FBXW4: variants seen among roughly 807,000 people sequenced by gnomAD.
FBXW4 encodes F-box/WD repeat-containing protein 4.
Under a neutral mutation model 61.8 loss-of-function variants are expected in FBXW4, and 40 were observed. The observed-to-expected ratio is 0.65, with a 90% confidence interval of 0.50 to 0.84. The LOEUF is 0.84. Ranked by LOEUF, FBXW4 falls within the 40% of genes least tolerant of loss-of-function variation. The pLI, the probability that FBXW4 is intolerant of heterozygous loss-of-function variation, is 0.00. For synonymous variants in FBXW4, 311 were observed against 313.8 expected (o/e 0.99, Z 0.10); for missense variants, 672 against 753.8 (o/e 0.89, Z 1.27).
At chr10:101,690,080 A>G (rs1361449907) in intron 1 of FBXW4, among the ~76,000 whole-genome samples, 2 of 152,258 alleles carry the variant, frequency 1.3e-5, no homozygotes, top group Non-Finnish European at 2.9e-5. Context: ...AGCTTTCTTT[A>G]ACATAAGACT....
intron 6 of FBXW4, among the ~76,000 whole-genome samples, chr10:101,616,994 G>A (rs940693762): frequency 3.3e-5 from 5 of 152,342 alleles, no homozygotes; most frequent in Non-Finnish European, 7.3e-5. Context: ...GGAACAGAGG[G>A]AAGTAAGCTG....
intron 5 of FBXW4, among the ~76,000 whole-genome samples, chr10:101,639,461 G>A (rs1212969182): frequency 6.6e-6 from 1 of 152,188 alleles, no homozygotes; most frequent in African/African-American, 2.4e-5. Flanking sequence ...CATTCACATA[G>A]ACACTTTGGG....
chr10:101,671,761 T>A lies in FBXW4; in HGVS notation c.1140+1154A>T, dbSNP rs1433419053. On this transcript the variant is annotated intron_variant, in intron 4 of 8. Transcript: ENST00000331272. Reference sequence around the variant, plus strand: ...GGAATGGTACAAAGACAGTGACCAATCAGAAGCCTGAAGTAAGTATGAAGT... The same window carrying A: ...GGAATGGTACAAAGACAGTGACCAAACAGAAGCCTGAAGTAAGTATGAAGT... Among the ~76,000 whole-genome samples the A allele has an allele frequency of 2.0e-5, 3 of 152,154 alleles. No homozygotes were observed. The East Asian group carries it at 5.8e-4, about 29-fold the overall frequency.
At chr10:101,624,550 T>G (rs2063892508) in intron 6 of FBXW4, among the ~76,000 whole-genome samples, 195 bp downstream of exon 6, 1 of 152,228 alleles carries the variant, frequency 6.6e-6, no homozygotes, top group Non-Finnish European at 1.5e-5. Context: ...ATTTACCTAT[T>G]ATAAATTACT....
intron 6 of FBXW4, among the ~76,000 whole-genome samples, chr10:101,612,804 C>CTCACAT (rs2063799172): frequency 6.6e-6 from 1 of 152,054 alleles, no homozygotes; most frequent in Non-Finnish European, 1.5e-5. Flanking sequence ...GTCGGCCCCC[C>CTCACAT]TCACATTCAC....
chr10:101,619,614 G>A (rs1477999601), intron 6 of FBXW4, among the ~76,000 whole-genome samples: 1 of 151,008 alleles, frequency 6.6e-6, no homozygotes, highest in African/African-American at 2.4e-5. Context: ...AGCCGAGATA[G>A]CACCACTGTA....
chr10:101,644,011 G>C (rs1475754451), intron 5 of FBXW4, among the ~76,000 whole-genome samples: 1 of 152,234 alleles, frequency 6.6e-6, no homozygotes, highest in Non-Finnish European at 1.5e-5. Flanking sequence ...CACCTGGAGA[G>C]ACTGCAATTA....
chr10:101,635,834 C>T (rs2063996331), intron 5 of FBXW4, among the ~76,000 whole-genome samples: 3 of 140,302 alleles, frequency 2.1e-5, no homozygotes, highest in East Asian at 2.0e-4. Flanking sequence ...GAGCAAGACC[C>T]GGTCTCAGAA....
rs2063789916 is a variant in FBXW4 at position 101,611,893 on chromosome 10, G to T, written c.1443-124C>A. The T allele has an allele frequency of 8.4e-7, 1 of 1,186,188 alleles. No individual in the cohort carries two copies. The highest frequency in any genetic ancestry group is 1.1e-6 in the Non-Finnish European group (1 of 869,584). The allele number at this position is 1,186,188 out of a possible 1,614,324, so 73.5% of individuals were successfully genotyped here. ...CCATTCCGGGATGGAAGAGAAAGAA[G>T]CCTAAATCATCAGATTCATCAAAAA... On this transcript the variant is annotated intron_variant, in intron 7 of 8. Coordinates refer to ENST00000331272, the MANE Select transcript of FBXW4 (RefSeq NM_022039.4). This position sits in a 1 kb window ranked among gnomAD's most constrained non-coding sequence, Gnocchi z 4.9.
chr10:101,675,831 G>A (rs76978229), intron 2 of FBXW4, among the ~76,000 whole-genome samples: 4 of 152,184 alleles, frequency 2.6e-5, no homozygotes, highest in Admixed American at 6.5e-5. Flanking sequence ...CTTGCTCTAA[G>A]CTCTAACTCC....
intron 5 of FBXW4, among the ~76,000 whole-genome samples, chr10:101,647,110 T>C (rs1168745269): frequency 1.3e-5 from 2 of 152,230 alleles, no homozygotes; most frequent in African/African-American, 4.8e-5. Context: ...GCTTTCCCAA[T>C]GGAGGCTGCC....
chr10:101,619,246 T>C (rs1375286105), intron 6 of FBXW4, among the ~76,000 whole-genome samples: 1 of 152,208 alleles, frequency 6.6e-6, no homozygotes, highest in Non-Finnish European at 1.5e-5. Flanking sequence ...GAAGACCACC[T>C]ACCATCAGAA....
At chr10:101,659,032 C>T (rs1351019332) in intron 5 of FBXW4, among the ~76,000 whole-genome samples, 1 of 151,834 alleles carries the variant, frequency 6.6e-6, no homozygotes, top group African/African-American at 2.4e-5. Context: ...AACCCCAAGC[C>T]GAAGCAGGCT....
chr10:101,658,905 T>C (rs2064216882), intron 5 of FBXW4, among the ~76,000 whole-genome samples: 1 of 152,032 alleles, frequency 6.6e-6, no homozygotes, highest in African/African-American at 2.4e-5. Flanking sequence ...GGGGAAATCT[T>C]CTTAAATATA....
intron 1 of FBXW4, among the ~76,000 whole-genome samples, chr10:101,687,458 T>C (rs1053178386): frequency 1.3e-5 from 2 of 152,190 alleles, no homozygotes; most frequent in African/African-American, 2.4e-5. Flanking sequence ...AAATACTTGC[T>C]TCCGGCCCAT....
chr10:101,618,100 C>T (rs2063840042), intron 6 of FBXW4, among the ~76,000 whole-genome samples: 1 of 152,230 alleles, frequency 6.6e-6, no homozygotes, highest in South Asian at 2.1e-4. Context: ...CAGGACACGG[C>T]TTCCTTCTCC....
At position 101,676,587 on chromosome 10, in the gene FBXW4, A is replaced by C. The variant is rs916578155; in HGVS notation, c.726-151T>G. 6 of 521,372 alleles carry C rather than the reference A, an allele frequency of 1.2e-5. No individual in the cohort carries two copies. In the Admixed American group the frequency reaches 1.5e-4, roughly 13 times the overall value. The allele number at this position is 521,372 out of a possible 1,614,324, so 32.3% of individuals were successfully genotyped here. A position where few individuals can be genotyped will look rare whatever the true frequency, so the allele number is the denominator to read the frequency against. The stretch of plus-strand genomic sequence containing the variant: ...GAAGGAGTAACTGTTCTCTCTCCAT[A>C]CTTGACTAAGAAAGCCAAGGAGAAA... On this transcript the variant is annotated intron_variant, in intron 1 of 8. Transcript: ENST00000331272.
At chr10:101,622,523 C>T (rs370562580) in intron 6 of FBXW4, among the ~76,000 whole-genome samples, 11 of 151,970 alleles carry the variant, frequency 7.2e-5, no homozygotes, top group African/African-American at 2.4e-4. Flanking sequence ...GTCAGGAGAT[C>T]GAGACCATCC....
rs372564361 is a variant in FBXW4 at position 101,675,586 on chromosome 10, G to C, written c.821+755C>G. ...ATGCCAGTGAAACCAGTGCAAACTG[G>C]ATGCAAGCAGGAAAGAAAGGTTCAT... On this transcript the variant is annotated intron_variant, in intron 2 of 8. Transcript: ENST00000331272. Among the ~76,000 whole-genome samples the C allele has an allele frequency of 1.1e-4, 17 of 152,258 alleles. No individual in the cohort carries two copies. The South Asian group carries it at 3.3e-3, about 30-fold the overall frequency.
Sources: gnomAD v4.1 joint callset for allele counts (sites outside exome capture counted in the v4.1 genomes callset) on GRCh38, gnomAD v4.1.1 for gene constraint, Gnocchi (gnomAD v3.1) non-coding constraint, MANE v1.5 for transcripts, NCBI Gene and HGNC (gene_info 2026-07-23, HGNC 2026-07-21) for gene names.